GRM7: variants seen among roughly 807,000 people sequenced by gnomAD.
GRM7 encodes the protein metabotropic glutamate receptor 7.
Under a neutral mutation model 84.5 loss-of-function variants are expected in GRM7, and 35 were observed. That is an observed-to-expected ratio of 0.41 (90% confidence interval 0.32 to 0.55). The LOEUF is 0.55. GRM7 is among the 20% of genes least tolerant of loss of function. The pLI is 0.19. For missense variants in GRM7, 1,003 were observed against 1,194.6 expected (o/e 0.84, Z 2.36); for synonymous variants, 487 against 455.1 (o/e 1.07, Z -0.89).
chr3:7,119,200 A>T (rs1200453025), intron 1 of GRM7, among the ~76,000 whole-genome samples: 1 of 152,016 alleles, frequency 6.6e-6, no homozygotes, highest in Non-Finnish European at 1.5e-5. Flanking sequence ...TCCACATTTT[A>T]TTAAACGTTC....
chr3:7,249,702 GA>G (rs909076412), intron 2 of GRM7, among the ~76,000 whole-genome samples: 94 of 150,582 alleles, frequency 6.2e-4, no homozygotes, highest in Non-Finnish European at 3.7e-4. Flanking sequence ...TTTACCACAT[GA>G]AAAAAAAACT....
Position 6,928,665 on chromosome 3 carries a change from G to C in GRM7, c.519+66758G>C, listed in dbSNP as rs1678973496. Reference sequence around the variant, plus strand: ...GGCAAACAACTTGATAGAATCAATAGAAGCTTAGTTAAGCAGGTGATAATC... The same window carrying C: ...GGCAAACAACTTGATAGAATCAATACAAGCTTAGTTAAGCAGGTGATAATC... On this transcript the variant is annotated intron_variant, in intron 1 of 9. Coordinates refer to ENST00000357716, the MANE Select transcript of GRM7 (RefSeq NM_000844.4). This position sits in a 1 kb window ranked among gnomAD's most constrained non-coding sequence, Gnocchi z 4.5. Among the ~76,000 whole-genome samples the C allele has an allele frequency of 6.6e-6, 1 of 152,084 alleles. No individual in the cohort carries two copies. The highest frequency in any genetic ancestry group is 2.1e-4 in the South Asian group (1 of 4,824).
At chr3:7,470,430 CAT>C (rs1698652507) in intron 7 of GRM7, among the ~76,000 whole-genome samples, 1 of 152,084 alleles carries the variant, frequency 6.6e-6, no homozygotes, top group African/African-American at 2.4e-5. Flanking sequence ...TATTCAGAAA[CAT>C]ATTGGAAATT....
At chr3:7,077,762 T>C (rs1241165473) in intron 1 of GRM7, among the ~76,000 whole-genome samples, 9 of 152,206 alleles carry the variant, frequency 5.9e-5, no homozygotes, top group Non-Finnish European at 1.0e-4. Flanking sequence ...AAGAAAATTG[T>C]GTTATAAAAG....
At chr3:7,444,604 C>T (rs1203927560) in intron 5 of GRM7, among the ~76,000 whole-genome samples, 2 of 152,148 alleles carry the variant, frequency 1.3e-5, no homozygotes, top group African/African-American at 4.8e-5. Flanking sequence ...CTCAGGACAC[C>T]TTTCACATGT....
At chr3:7,457,459 G>T (rs1261520919) in intron 6 of GRM7, among the ~76,000 whole-genome samples, 1 of 152,034 alleles carries the variant, frequency 6.6e-6, no homozygotes, top group Non-Finnish European at 1.5e-5. Context: ...AAGTAATTTG[G>T]TGTCTTGATT....
rs1180339773 is a variant in GRM7, at chr3:7,584,365, C to A, written c.2451+5008C>A. 2.0e-5 allele frequency among the ~76,000 whole-genome samples: 3 copies of A among 152,106 alleles called. No individual in the cohort carries two copies. The East Asian group carries it at 5.8e-4, about 29-fold the overall frequency. ...TTGTAAGCTGAAATGCCTGTTCTACCTTAAGAGGAAATATTGACTTATGTG... is the reference window on the plus strand; with the variant it reads ...TTGTAAGCTGAAATGCCTGTTCTACATTAAGAGGAAATATTGACTTATGTG... On this transcript the variant is annotated intron_variant, in intron 8 of 9. Coordinates refer to ENST00000357716, the MANE Select transcript of GRM7 (RefSeq NM_000844.4).
chr3:7,364,544 T>C (rs1181603513), intron 4 of GRM7, among the ~76,000 whole-genome samples: 1 of 151,806 alleles, frequency 6.6e-6, no homozygotes, highest in Non-Finnish European at 1.5e-5. Flanking sequence ...ATATTTTCAT[T>C]TAGCTTTTTA....
chr3:7,526,494 T>C (rs1700812509), intron 7 of GRM7, among the ~76,000 whole-genome samples: 1 of 152,024 alleles, frequency 6.6e-6, no homozygotes, highest in Non-Finnish European at 1.5e-5. Context: ...GTTTACTCCA[T>C]TGGTGGTTTC....
intron 7 of GRM7, among the ~76,000 whole-genome samples, chr3:7,474,904 G>C (rs562617741): frequency 6.6e-6 from 1 of 152,156 alleles, no homozygotes; most frequent in Admixed American, 6.5e-5. Flanking sequence ...ATAACCAGTC[G>C]TATACTTAGG....
At chr3:6,926,638 G>A (rs1440711002) in intron 1 of GRM7, among the ~76,000 whole-genome samples, 1 of 152,188 alleles carries the variant, frequency 6.6e-6, no homozygotes, top group African/African-American at 2.4e-5. Flanking sequence ...CCTCTACAAT[G>A]AGCAGGTGCT....
chr3:7,338,947 A>C lies in GRM7; in HGVS notation c.1033+32295A>C, dbSNP rs541980341. Among the ~76,000 whole-genome samples, 23 of 152,106 alleles carry C rather than the reference A, an allele frequency of 1.5e-4. No homozygotes were observed. In the South Asian group the frequency reaches 4.4e-3, roughly 29 times the overall value. On this transcript the variant is annotated intron_variant, in intron 4 of 9. Coordinates refer to ENST00000357716, the MANE Select transcript of GRM7 (RefSeq NM_000844.4). ...CTTTCCAGGCTGGGGAAAAAAAAAAAAACAATACTCCTACCTGGCATCAGC... is the reference window on the plus strand; with the variant it reads ...CTTTCCAGGCTGGGGAAAAAAAAAACAACAATACTCCTACCTGGCATCAGC...
chr3:7,468,545 C>T (rs1317586793), intron 7 of GRM7, among the ~76,000 whole-genome samples: 3 of 152,212 alleles, frequency 2.0e-5, no homozygotes, highest in Non-Finnish European at 2.9e-5. Context: ...CAAATGTTAG[C>T]CGCAACAGCA....
chr3:7,678,127 T>G lies in GRM7; in HGVS notation c.2452-1922T>G, dbSNP rs181637220. ...AATAAATATTAGGTACTATCTTCAG[T>G]ACCTGAGTGTGGAATTATTCATACC... On this transcript the variant is annotated intron_variant, in intron 8 of 9. Transcript: ENST00000357716. Among the ~76,000 whole-genome samples, 132 of 152,284 alleles carry G rather than the reference T, an allele frequency of 8.7e-4. 1 individual carries two copies. Among genetic ancestry groups the G allele is most frequent in the Non-Finnish European group, 1.7e-3 (116 of 68,030 alleles).
chr3:7,497,490 C>T (rs1699747444), intron 7 of GRM7, among the ~76,000 whole-genome samples: 1 of 152,130 alleles, frequency 6.6e-6, no homozygotes, highest in Non-Finnish European at 1.5e-5. Context: ...TGGGAGGTTT[C>T]AGTGCGTGGC....
At chr3:7,577,590 T>G (rs1695028376) in intron 7 of GRM7, among the ~76,000 whole-genome samples, 1 of 152,192 alleles carries the variant, frequency 6.6e-6, no homozygotes, top group Non-Finnish European at 1.5e-5. Flanking sequence ...CTAATGCCAT[T>G]ATTTCTCAGA....
At chr3:7,338,061 C>G (rs1701490360) in intron 4 of GRM7, among the ~76,000 whole-genome samples, 1 of 150,250 alleles carries the variant, frequency 6.7e-6, no homozygotes, top group Non-Finnish European at 1.5e-5. Flanking sequence ...ATATATATAT[C>G]CCCCCTTAAA....
intron 9 of GRM7, among the ~76,000 whole-genome samples, chr3:7,728,105 C>G (rs1368363877): frequency 6.6e-6 from 1 of 152,192 alleles, no homozygotes; most frequent in African/African-American, 2.4e-5. Context: ...CAGGACTTGA[C>G]TGTGATGGCA....
intron 2 of GRM7, among the ~76,000 whole-genome samples, chr3:7,171,261 C>T (rs761192319): frequency 6.6e-6 from 1 of 152,068 alleles, no homozygotes; most frequent in Non-Finnish European, 1.5e-5. Flanking sequence ...ACTTATCTTC[C>T]CTCTGCTTGT....
Sources: allele counts gnomAD v4.1 joint callset (sites outside exome capture counted in the v4.1 genomes callset), GRCh38; gene constraint gnomAD v4.1.1; non-coding constraint Gnocchi (gnomAD v3.1); transcripts MANE v1.5; gene names NCBI Gene and HGNC (gene_info 2026-07-23, HGNC 2026-07-21).